ORC4: variants seen among roughly 807,000 people sequenced by gnomAD.
ORC4 encodes origin recognition complex subunit 4.
A neutral mutation model predicts 63.9 loss-of-function variants in ORC4; 55 were observed. The ratio of observed to expected loss-of-function variants is 0.86; its 90% CI spans 0.69 to 1.08. The LOEUF (loss-of-function observed/expected upper bound fraction) is 1.08, where lower values mean the gene tolerates loss of function less well. Among genes scored for constraint, ORC4 ranks in the 50% least tolerant of loss-of-function variants. The pLI, the probability that ORC4 is intolerant of heterozygous loss-of-function variation, is 0.00. For missense variants in ORC4, 511 were observed against 504.4 expected (o/e 1.01, Z -0.13); for synonymous variants, 150 against 168.5 (o/e 0.89, Z 0.85).
At chr2:147,978,119 G>C (rs532972719) in intron 1 of ORC4, among the ~76,000 whole-genome samples, 2 of 152,228 alleles carry the variant, frequency 1.3e-5, no homozygotes, top group African/African-American at 4.8e-5. Flanking sequence ...CCAGGATGCT[G>C]GGTAGGCAGA....
intron 1 of ORC4, among the ~76,000 whole-genome samples, chr2:147,993,431 T>C (rs895572937): frequency 5.9e-5 from 9 of 152,136 alleles, no homozygotes; most frequent in African/African-American, 2.2e-4. Context: ...CCCTAGAAAT[T>C]ATCCTAGAAA....
chr2:147,940,921 C>G (rs1299526314), intron 10 of ORC4, among the ~76,000 whole-genome samples: 1 of 151,992 alleles, frequency 6.6e-6, no homozygotes, highest in Non-Finnish European at 1.5e-5. Context: ...AGAGTTGAAG[C>G]CCATCTCCTC....
chr2:148,000,128 C>A (rs1482566358), intron 1 of ORC4, among the ~76,000 whole-genome samples: 3 of 150,584 alleles, frequency 2.0e-5, no homozygotes, highest in Non-Finnish European at 4.4e-5. Context: ...ATTAGAGTTC[C>A]AGAACCAAAA....
intron 7 of ORC4, among the ~76,000 whole-genome samples, chr2:147,953,444 T>C (rs1448207221): frequency 6.6e-6 from 1 of 152,212 alleles, no homozygotes; most frequent in African/African-American, 2.4e-5. Flanking sequence ...ATTATAAAAT[T>C]GACAGAGTTT....
At chr2:147,945,064 T>C (rs556406486) in intron 9 of ORC4, among the ~76,000 whole-genome samples, 1 of 152,234 alleles carries the variant, frequency 6.6e-6, no homozygotes, top group African/African-American at 2.4e-5. Context: ...ATGGAAGATA[T>C]GTGGCTAAAT....
At position 147,975,426 on chromosome 2, in the gene ORC4, T is replaced by C. The variant is rs151270060; in HGVS notation, c.57+476A>G. On this transcript the variant is annotated intron_variant, in intron 2 of 13. Coordinates refer to ENST00000392857, the MANE Select transcript of ORC4 (RefSeq NM_181741.4). ...CTGCTGTTTCTCTAAGATGAAAACA[T>C]AGACAAGAATGTCCATTCTTCCCAA... Among the ~76,000 whole-genome samples the C allele has an allele frequency of 1.7e-4, 25 of 150,682 alleles. No individual in the cohort carries two copies. In the East Asian group the frequency reaches 4.5e-3, roughly 27 times the overall value.
At chr2:147,959,721 A>G (rs929635744) in intron 4 of ORC4, among the ~76,000 whole-genome samples, 4 of 152,160 alleles carry the variant, frequency 2.6e-5, no homozygotes, top group Admixed American at 2.0e-4. Flanking sequence ...AAAATAAAAA[A>G]AATTTCCTGT....
At chr2:148,018,665 A>C (rs1693468420) in intron 1 of ORC4, among the ~76,000 whole-genome samples, 1 of 152,252 alleles carries the variant, frequency 6.6e-6, no homozygotes, top group Non-Finnish European at 1.5e-5. Context: ...ATGAGAGAAA[A>C]AGATACATAA....
At chr2:147,950,155 C>G (rs1215577935) in intron 8 of ORC4, among the ~76,000 whole-genome samples, 1 of 152,094 alleles carries the variant, frequency 6.6e-6, no homozygotes, top group East Asian at 1.9e-4. Context: ...TTCAGAGATT[C>G]AGATATTGTA....
chr2:147,947,859 GA>G, intron 9 of ORC4, 191 bp downstream of exon 9: 1 of 497,560 alleles, frequency 2.0e-6, no homozygotes, highest in Non-Finnish European at 3.6e-6. Context: ...TTTTGAGATA[GA>G]ATTTAGGAGA....
intron 1 of ORC4, among the ~76,000 whole-genome samples, chr2:148,011,273 T>C (rs1315035075): frequency 1.3e-5 from 2 of 152,172 alleles, no homozygotes; most frequent in African/African-American, 2.4e-5. Flanking sequence ...AAAAAGATCA[T>C]CATAATCAAG....
chr2:147,975,020 T>C (rs941041315), intron 2 of ORC4, among the ~76,000 whole-genome samples: 2 of 152,144 alleles, frequency 1.3e-5, no homozygotes, highest in African/African-American at 4.8e-5. Flanking sequence ...TACAAAGGTA[T>C]GTAAAGCATA....
At chr2:148,006,917 G>T (rs1573893777) in intron 1 of ORC4, among the ~76,000 whole-genome samples, 1 of 152,224 alleles carries the variant, frequency 6.6e-6, no homozygotes, top group East Asian at 1.9e-4. Flanking sequence ...GGCCAGTACA[G>T]AGAAAGACTC....
chr2:147,946,096 GCTA>G (rs1043266710), intron 9 of ORC4, among the ~76,000 whole-genome samples: 1 of 152,048 alleles, frequency 6.6e-6, no homozygotes, highest in African/African-American at 2.4e-5. Flanking sequence ...GATTAGTTAT[GCTA>G]CTAACACATG....
intron 1 of ORC4, among the ~76,000 whole-genome samples, chr2:148,017,286 ACTGT>A (rs1265299090): frequency 6.6e-6 from 1 of 152,256 alleles, no homozygotes; most frequent in Non-Finnish European, 1.5e-5. Flanking sequence ...TTGTTTTCAT[ACTGT>A]CTTTGAAATA....
chr2:147,943,639 A>T, intron 9 of ORC4, 117 bp from the exon 10 acceptor site: 2 of 657,272 alleles, frequency 3.0e-6, no homozygotes. Context: ...ATATTAATTC[A>T]TTATTAAATA....
rs1319849056 is a variant in ORC4, at chr2:147,930,502, T to C, written c.*5008A>G. 1 of 152,436 alleles carries C rather than the reference T, an allele frequency of 6.6e-6. No individual in the cohort carries two copies. Among genetic ancestry groups the C allele is most frequent in the Non-Finnish European group, 1.5e-5 (1 of 67,990 alleles). 9.4% of individuals were successfully genotyped at this position (152,436 alleles called of 1,614,324 possible). A position where few individuals can be genotyped will look rare whatever the true frequency, so the allele number is the denominator to read the frequency against. On this transcript the variant is annotated 3_prime_UTR_variant, in exon 14 of 14. Coordinates refer to ENST00000392857, the MANE Select transcript of ORC4 (RefSeq NM_181741.4). The stretch of plus-strand genomic sequence containing the variant: ...CCATTTATGGGCAAAATGATACAAG[T>C]AGCATCTTGATTGAACATCATTTAC...
chr2:147,959,204 A>G (rs1689437643), intron 4 of ORC4, among the ~76,000 whole-genome samples: 1 of 152,150 alleles, frequency 6.6e-6, no homozygotes, highest in South Asian at 2.1e-4. Context: ...CAGTTAGTAC[A>G]TTACACATCT....
At chr2:147,956,038 G>T (rs3820715) in intron 6 of ORC4, among the ~76,000 whole-genome samples, 20,639 of 151,922 alleles carry the variant, frequency 0.14, 1,696 homozygotes, top group Middle Eastern at 0.21. Context: ...TGTAGTAGAT[G>T]CATTATCCAG....
Sources: gnomAD v4.1 joint callset for allele counts (sites outside exome capture counted in the v4.1 genomes callset) on GRCh38, gnomAD v4.1.1 for gene constraint, MANE v1.5 for transcripts, NCBI Gene and HGNC (gene_info 2026-07-23, HGNC 2026-07-21) for gene names.